The following ADGRB3 variants were observed in gnomAD, a reference collection of about 807,000 sequenced individuals.
ADGRB3 encodes the protein brain-specific angiogenesis inhibitor 3.
A neutral mutation model predicts 193.4 loss-of-function variants in ADGRB3; 37 were observed. That is an observed-to-expected ratio of 0.19 (90% CI 0.15 to 0.25). The LOEUF (loss-of-function observed/expected upper bound fraction) is 0.25, where lower values mean the gene tolerates loss of function less well. ADGRB3 is among the 10% of genes least tolerant of loss of function. The pLI is 1.00. For missense variants in ADGRB3, 1,637 were observed against 1,852.9 expected (o/e 0.88, Z 2.14); for synonymous variants, 690 against 644.2 (o/e 1.07, Z -1.08).
At chr6:69,243,919 C>A (rs1321978) in intron 20 of ADGRB3, among the ~76,000 whole-genome samples, 22,122 of 151,968 alleles carry the variant, frequency 0.15, 1,666 homozygotes, top group African/African-American at 0.16. Context: ...TATAACAAGC[C>A]TACAAATGTT....
intron 8 of ADGRB3, among the ~76,000 whole-genome samples, chr6:68,962,786 T>A (rs541613395): frequency 6.6e-6 from 1 of 152,316 alleles, no homozygotes; most frequent in East Asian, 1.9e-4. Context: ...TGAATATTGG[T>A]CTTTGATGTT....
chr6:69,330,161 G>A (rs933454504), intron 22 of ADGRB3, among the ~76,000 whole-genome samples: 19 of 152,030 alleles, frequency 1.2e-4, no homozygotes, highest in Admixed American at 1.1e-3. Flanking sequence ...ATCCATAATG[G>A]ATATAAAGCA....
At chr6:69,075,865 AAAG>A (rs1772214334) in intron 16 of ADGRB3, 127 bp from the exon 17 acceptor site, 1 of 686,650 alleles carries the variant, frequency 1.5e-6, no homozygotes, top group East Asian at 3.0e-5. Flanking sequence ...AAATAATTAA[AAAG>A]AAATCATTAA....
rs187131766 is a variant in ADGRB3, at chr6:69,002,304, C to T, written c.1929+8342C>T. Among the ~76,000 whole-genome samples, 665 of 151,370 alleles carry T rather than the reference C, an allele frequency of 4.4e-3. 2 individuals are homozygous for T. Among genetic ancestry groups the T allele is most frequent in the African/African-American group, 0.011 (463 of 41,192 alleles). ...CATGATCTCGGCTCACTGCAACCTC[C>T]GCCTCCCTGGTTCAAGCGATTCTCC... On this transcript the variant is annotated intron_variant, in intron 11 of 31. Coordinates refer to ENST00000370598, the MANE Select transcript of ADGRB3 (RefSeq NM_001704.3).
At chr6:68,901,011 T>C (rs1276019216) in intron 3 of ADGRB3, among the ~76,000 whole-genome samples, 1 of 152,206 alleles carries the variant, frequency 6.6e-6, no homozygotes, top group Non-Finnish European at 1.5e-5. Flanking sequence ...CATGGAATTA[T>C]TGTTCTTACC....
intron 20 of ADGRB3, among the ~76,000 whole-genome samples, chr6:69,287,984 GT>G (rs972224772): frequency 4.0e-5 from 6 of 151,586 alleles, no homozygotes; most frequent in African/African-American, 1.5e-4. Flanking sequence ...TTCTCATTTT[GT>G]TTTGTTATGT....
At chr6:69,134,139 A>T (rs1686557523) in intron 17 of ADGRB3, among the ~76,000 whole-genome samples, 1 of 152,036 alleles carries the variant, frequency 6.6e-6, no homozygotes. Flanking sequence ...TTGCAGCACA[A>T]GGATTTAAAT....
In ADGRB3 at chr6:69,298,433, A is replaced by C. The variant is rs557041261; in HGVS notation, c.2815-26439A>C. 2.0e-3 allele frequency among the ~76,000 whole-genome samples: 310 copies of C among 152,126 alleles called. 2 individuals carry two copies. The highest frequency in any genetic ancestry group is 3.8e-3 in the Non-Finnish European group (257 of 67,962). ...CTTCTGGTTTTTGAAATATACAATAAATTATTGTTAACTATAATCACTCTG... is the reference window on the plus strand; with the variant it reads ...CTTCTGGTTTTTGAAATATACAATACATTATTGTTAACTATAATCACTCTG... On this transcript the variant is annotated intron_variant, in intron 20 of 31. Coordinates refer to ENST00000370598, the MANE Select transcript of ADGRB3 (RefSeq NM_001704.3).
rs185370322 is a variant in ADGRB3 at position 68,949,038 on chromosome 6, A to T, written c.1195+5044A>T. Among the ~76,000 whole-genome samples the T allele has an allele frequency of 4.1e-3, 625 of 152,256 alleles. 2 individuals are homozygous for T. Among genetic ancestry groups the T allele is most frequent in the Non-Finnish European group, 5.2e-3 (352 of 68,012 alleles). ...CTCTATATTACAGGATTGACATATT[A>T]TTATAATTAGGTAGAAATACTTTGA... On this transcript the variant is annotated intron_variant, in intron 6 of 31. Coordinates refer to ENST00000370598, the MANE Select transcript of ADGRB3 (RefSeq NM_001704.3).
chr6:68,662,762 T>C (rs1488988806), intron 3 of ADGRB3, among the ~76,000 whole-genome samples: 1 of 151,386 alleles, frequency 6.6e-6, no homozygotes, highest in Non-Finnish European at 1.5e-5. Context: ...TATATGTTAA[T>C]GTTATCCCAA....
chr6:69,194,669 A>G (rs1188794609), intron 17 of ADGRB3, among the ~76,000 whole-genome samples: 1 of 152,112 alleles, frequency 6.6e-6, no homozygotes. Flanking sequence ...AATCTTACTT[A>G]ACAAGGAATT....
intron 17 of ADGRB3, among the ~76,000 whole-genome samples, chr6:69,144,795 T>A (rs538173169): frequency 2.8e-4 from 42 of 152,214 alleles, no homozygotes; most frequent in Non-Finnish European, 5.6e-4. Context: ...TAATGTGTTG[T>A]TGAATTCAAT....
chr6:68,791,985 G>A (rs1767116579), intron 3 of ADGRB3, among the ~76,000 whole-genome samples: 1 of 152,124 alleles, frequency 6.6e-6, no homozygotes, highest in Non-Finnish European at 1.5e-5. Context: ...AGCCAGGGCA[G>A]TGTCAGTATA....
intron 19 of ADGRB3, among the ~76,000 whole-genome samples, chr6:69,236,912 T>C (rs1766277853): frequency 1.3e-5 from 2 of 151,868 alleles, no homozygotes; most frequent in Non-Finnish European, 2.9e-5. Flanking sequence ...CAGAAGAGAG[T>C]ACCAAGAAAC....
intron 17 of ADGRB3, among the ~76,000 whole-genome samples, chr6:69,128,525 G>C (rs1027884682): frequency 6.6e-6 from 1 of 151,928 alleles, no homozygotes; most frequent in Non-Finnish European, 1.5e-5. Flanking sequence ...GTCTTTTTCT[G>C]CCATCTGATA....
chr6:69,095,081 A>G (rs999660075), intron 17 of ADGRB3, among the ~76,000 whole-genome samples: 4 of 152,180 alleles, frequency 2.6e-5, no homozygotes, highest in African/African-American at 9.7e-5. Context: ...CTTTGTTCCA[A>G]TTATTCCAAG....
At chr6:69,298,034 C>T (rs1484939433) in intron 20 of ADGRB3, among the ~76,000 whole-genome samples, 2 of 152,114 alleles carry the variant, frequency 1.3e-5, no homozygotes, top group Middle Eastern at 3.4e-3. Flanking sequence ...CATAAAAACG[C>T]ACATGCAGGC....
chr6:69,375,555 G>C lies in ADGRB3; in HGVS notation c.4275+3114G>C, dbSNP rs1177244541. On this transcript the variant is annotated intron_variant, in intron 30 of 31. Transcript: ENST00000370598. ...GGGAAATCAAGAAGATATCTAGTCA[G>C]GGTGAGTTCCATTTTAATATTTTAG... Among the ~76,000 whole-genome samples, 6 of 152,172 alleles carry C rather than the reference G, an allele frequency of 3.9e-5. 1 individual carries two copies. The South Asian group carries it at 1.2e-3, about 32-fold the overall frequency.
chr6:68,741,087 T>C (rs1164413859), intron 3 of ADGRB3, among the ~76,000 whole-genome samples: 10 of 152,088 alleles, frequency 6.6e-5, no homozygotes, highest in Non-Finnish European at 1.5e-4. Flanking sequence ...TTTGTCAGTT[T>C]GCTTGACAGG....
Sources: allele counts gnomAD v4.1 joint callset (sites outside exome capture counted in the v4.1 genomes callset), GRCh38; gene constraint gnomAD v4.1.1; transcripts MANE v1.5; gene names NCBI Gene and HGNC (gene_info 2026-07-23, HGNC 2026-07-21).